Variants in CCND3 observed in about 807,000 individuals in gnomAD.
The protein encoded by CCND3 is cyclin D3.
Under a neutral mutation model 28.7 loss-of-function variants are expected in CCND3, and 9 were observed. That is an observed-to-expected ratio of 0.31 (90% CI 0.19 to 0.55). CCND3 has a LOEUF of 0.55. CCND3 is among the 20% of genes least tolerant of loss of function. The pLI is 0.93. For synonymous variants in CCND3, 164 were observed against 163.9 expected (o/e 1.00, Z 0.00); for missense variants, 315 against 385.8 (o/e 0.82, Z 1.54).
At chr6:41,937,737 A>G (rs1775855907) in intron 2 of CCND3, 2 of 306,850 alleles carry the variant, frequency 6.5e-6, no homozygotes, top group East Asian at 6.5e-5. Flanking sequence ...CAGGGCTGAA[A>G]GACGGAAGCA....
intron 1 of CCND3, among the ~76,000 whole-genome samples, chr6:42,012,494 G>A (rs555901790): frequency 2.0e-4 from 30 of 152,144 alleles, no homozygotes; most frequent in Non-Finnish European, 2.1e-4. Context: ...CCCAGCTCTC[G>A]GGAGGCTGAG....
rs1390766133 is a variant in CCND3, at chr6:41,941,416, G to A, written c.198+36C>T. 6.2e-7 allele frequency: 1 copy of A among 1,601,898 alleles called. No individual in the cohort carries two copies. On this transcript the variant is annotated intron_variant, in intron 1 of 4. Coordinates refer to ENST00000372991, the MANE Select transcript of CCND3 (RefSeq NM_001760.5). This position sits in a 1 kb window ranked among gnomAD's most constrained non-coding sequence, Gnocchi z 6.1. ...GGCGGCCCCGGTGTGTCCAGACCCG[G>A]GAGCGGTGGGGGAGGGGGACGCGTC...
intron 1 of CCND3, among the ~76,000 whole-genome samples, chr6:42,040,145 C>T (rs1175448977): frequency 6.6e-6 from 1 of 152,232 alleles, no homozygotes; most frequent in Non-Finnish European, 1.5e-5. Flanking sequence ...GAACCGGGCA[C>T]AGTGGCTCAC....
intron 1 of CCND3, among the ~76,000 whole-genome samples, chr6:42,029,149 AT>A (rs199889723): frequency 0.081 from 11,677 of 144,984 alleles, 739 homozygotes; most frequent in East Asian, 0.2. Context: ...TTATTTTTTA[AT>A]TTTTTTTTTT....
At chr6:41,941,858 T>A (rs980084731), upstream of CCND3, 2 of 252,110 alleles carry the variant, frequency 7.9e-6, no homozygotes, top group South Asian at 1.7e-4. The surrounding 1 kb of genome is among the most constrained non-coding windows in gnomAD (Gnocchi z 6.1). Context: ...TGCTCGGACG[T>A]CGCAACGCTC....
In CCND3 at chr6:42,007,102, A is replaced by G. The variant is rs533875405; in HGVS notation, c.-46+41399T>C. Reference sequence around the variant, plus strand: ...CTTCATAATATACATACACACATGTATATATATACCTACATACATATATAT... The same window carrying G: ...CTTCATAATATACATACACACATGTGTATATATACCTACATACATATATAT... On this transcript the variant is annotated intron_variant, in intron 1 of 4. Transcript: ENST00000372988. Among the ~76,000 whole-genome samples the G allele has an allele frequency of 7.2e-5, 11 of 152,232 alleles. No individual in the cohort carries two copies. In the East Asian group the frequency reaches 1.2e-3, roughly 16 times the overall value.
intron 1 of CCND3, 132 bp from the exon 2 acceptor site, chr6:41,940,717 G>T: frequency 1.3e-6 from 1 of 758,324 alleles, no homozygotes; most frequent in East Asian, 2.6e-5. Flanking sequence ...GAGAGACAAG[G>T]ACCAATAAAG....
At chr6:42,020,380 CA>C (rs1289996867) in intron 1 of CCND3, among the ~76,000 whole-genome samples, 1 of 152,232 alleles carries the variant, frequency 6.6e-6, no homozygotes, top group Non-Finnish European at 1.5e-5. Context: ...ACTGACCCAA[CA>C]TGCAGAAGGT....
At chr6:42,015,370 C>T (rs1289510788) in intron 1 of CCND3, among the ~76,000 whole-genome samples, 1 of 152,048 alleles carries the variant, frequency 6.6e-6, no homozygotes, top group South Asian at 2.1e-4. Context: ...TATACATTAC[C>T]TCATTCAGGT....
chr6:42,041,208 C>T (rs1764362889), intron 1 of CCND3, among the ~76,000 whole-genome samples: 1 of 152,082 alleles, frequency 6.6e-6, no homozygotes, highest in Admixed American at 6.6e-5. Context: ...TTCTGAGGAC[C>T]ACCCAGGAGG....
chr6:41,996,727 C>G (rs550642161), intron 1 of CCND3, among the ~76,000 whole-genome samples: 1 of 148,094 alleles, frequency 6.8e-6, no homozygotes, highest in Non-Finnish European at 1.5e-5. Flanking sequence ...TGCAGTGGCA[C>G]AATCTCGGCT....
At chr6:42,040,647 T>C (rs1282817628) in intron 1 of CCND3, among the ~76,000 whole-genome samples, 1 of 148,150 alleles carries the variant, frequency 6.7e-6, no homozygotes, top group Admixed American at 6.7e-5. Context: ...AGGTCAGGAG[T>C]TCCAGACCAG....
At position 41,935,454 on chromosome 6, in the gene CCND3, A is replaced by G; in HGVS notation, c.*486T>C. ...CAGCACGGACTACATAGGGGCCTCC[A>G]AAGTACTGAGAGGAGCCATCTAGAC... On this transcript the variant is annotated 3_prime_UTR_variant, in exon 5 of 5. Transcript: ENST00000372991. 3.9e-6 allele frequency: 1 copy of G among 254,058 alleles called. No homozygotes were observed. The highest frequency in any genetic ancestry group is 7.6e-6 in the Non-Finnish European group (1 of 131,852). The allele number at this position is 254,058 out of a possible 1,614,324, so 15.7% of individuals were successfully genotyped here.
At chr6:42,047,610 TC>T (rs1764585124) in intron 1 of CCND3, among the ~76,000 whole-genome samples, 1 of 152,168 alleles carries the variant, frequency 6.6e-6, no homozygotes, top group Admixed American at 6.5e-5. Flanking sequence ...ATTCCTGGGT[TC>T]TTGGGACCCA....
At chr6:41,984,469 C>G (rs1416882867) in intron 1 of CCND3, among the ~76,000 whole-genome samples, 1 of 152,136 alleles carries the variant, frequency 6.6e-6, no homozygotes, top group Non-Finnish European at 1.5e-5. Context: ...CTCTCAGCCT[C>G]CTGAGTAGCT....
intron 1 of CCND3, among the ~76,000 whole-genome samples, chr6:42,009,744 T>G (rs747475662): frequency 3.3e-5 from 5 of 151,700 alleles, no homozygotes; most frequent in Non-Finnish European, 7.4e-5. Context: ...GAGGTGGAGG[T>G]TGCAGTGGGC....
At chr6:41,940,954 G>A (rs771632649) in intron 1 of CCND3, 8 of 1,612,746 alleles carry the variant, frequency 5.0e-6, no homozygotes, top group Non-Finnish European at 6.8e-6. Flanking sequence ...GCACACACCC[G>A]AGGGGAAGGG....
Position 41,981,026 on chromosome 6 carries a change from C to A in CCND3, c.-45-40441G>T, listed in dbSNP as rs1344314398. 2.0e-5 allele frequency among the ~76,000 whole-genome samples: 3 copies of A among 151,620 alleles called. No individual in the cohort carries two copies. The East Asian group carries it at 5.8e-4, about 29-fold the overall frequency. ...TTCAGCATTGTACTGGAAGTCCTAG[C>A]TAATGCAATAAGAAAAGAAAATAAA... is the stretch of plus-strand genomic sequence containing the variant. On this transcript the variant is annotated intron_variant, in intron 1 of 4. Transcript: ENST00000372988.
At position 41,969,565 on chromosome 6, in the gene CCND3, G is replaced by C. The variant is rs184998115; in HGVS notation, c.-45-28980C>G. 4.2e-4 allele frequency among the ~76,000 whole-genome samples: 64 copies of C among 151,522 alleles called. 1 individual carries two copies. The highest frequency in any genetic ancestry group is 1.5e-3 in the African/African-American group (63 of 41,316). ...ATCCTGGCCAACACGGTGAAACCCC[G>C]TCTCCACTAAAAATACAAAAATTAG... On this transcript the variant is annotated intron_variant, in intron 1 of 4. Coordinates refer to the CCND3 transcript ENST00000372988.
Sources: gnomAD v4.1 joint callset for allele counts (sites outside exome capture counted in the v4.1 genomes callset) on GRCh38, gnomAD v4.1.1 for gene constraint, Gnocchi (gnomAD v3.1) non-coding constraint, MANE v1.5 for transcripts, NCBI Gene and HGNC (gene_info 2026-07-23, HGNC 2026-07-21) for gene names.